The following ANO3 variants were observed in gnomAD, a reference collection of about 807,000 sequenced individuals.
The protein encoded by ANO3 is anoctamin 3.
A neutral mutation model predicts 144.8 loss-of-function variants in ANO3; 99 were observed. The ratio of observed to expected loss-of-function variants is 0.68; its 90% CI spans 0.58 to 0.81. The LOEUF (loss-of-function observed/expected upper bound fraction) is 0.81. Among genes scored for constraint, ANO3 ranks in the 30% least tolerant of loss-of-function variants. The pLI, the probability that ANO3 is intolerant of heterozygous loss-of-function variation, is 0.00. For synonymous variants in ANO3, 414 were observed against 392.6 expected (o/e 1.05, Z -0.64); for missense variants, 905 against 1,202.2 (o/e 0.75, Z 3.66).
chr11:26,349,372 G>T (rs1341001592), intron 1 of ANO3, among the ~76,000 whole-genome samples: 2 of 152,098 alleles, frequency 1.3e-5, no homozygotes, highest in Non-Finnish European at 2.9e-5. Context: ...TGTTTACAGT[G>T]CATAACATCA....
intron 1 of ANO3, among the ~76,000 whole-genome samples, chr11:26,391,298 A>T (rs1856872448): frequency 6.6e-6 from 1 of 152,012 alleles, no homozygotes; most frequent in Non-Finnish European, 1.5e-5. Flanking sequence ...CATGATGATT[A>T]ACCTGTTCCC....
chr11:26,546,357 A>T (rs931533227), intron 11 of ANO3, among the ~76,000 whole-genome samples: 8 of 152,016 alleles, frequency 5.3e-5, no homozygotes, highest in African/African-American at 1.9e-4. Flanking sequence ...TAGAATATGC[A>T]AAAGATTTAA....
chr11:26,333,885 T>C (rs936569694), intron 1 of ANO3, among the ~76,000 whole-genome samples: 1 of 152,176 alleles, frequency 6.6e-6, no homozygotes, highest in African/African-American at 2.4e-5. Context: ...GTTTTAAACA[T>C]ACATAAACTT....
rs994703832 is a variant in ANO3, at chr11:26,412,580, C to T, written c.47-29338C>T. On this transcript the variant is annotated intron_variant, in intron 1 of 26. Coordinates refer to ENST00000256737, the MANE Select transcript of ANO3 (RefSeq NM_031418.4). ...GTATACTCAAATCTACACGATGCTTCAAGTTGTCCCCATGAATGTAAAGCA... is the reference window on the plus strand; with the variant it reads ...GTATACTCAAATCTACACGATGCTTTAAGTTGTCCCCATGAATGTAAAGCA... Among the ~76,000 whole-genome samples the T allele has an allele frequency of 2.0e-5, 3 of 152,100 alleles. No individual in the cohort carries two copies. In the East Asian group the frequency reaches 5.8e-4, roughly 30 times the overall value.
intron 1 of ANO3, among the ~76,000 whole-genome samples, chr11:26,326,367 G>A (rs7940247): frequency 0.039 from 5,938 of 151,912 alleles, 364 homozygotes; most frequent in African/African-American, 0.13. Flanking sequence ...AAACCTTTTC[G>A]CCCCATCTCC....
Position 26,643,170 on chromosome 11 carries a change from C to G in ANO3, c.2276-12C>G. The G allele has an allele frequency of 6.2e-7, 1 of 1,613,246 alleles. No individual in the cohort carries two copies. The highest frequency in any genetic ancestry group is 8.5e-7 in the Non-Finnish European group (1 of 1,179,680). ...GTTTATATAGTAATTTCCTAATGCT[C>G]TTCTTTTGCAGTTTTGCAATTTGGT... is the stretch of plus-strand genomic sequence containing the variant. On this transcript the variant is annotated splice_polypyrimidine_tract_variant and intron_variant, in intron 22 of 26. Transcript: ENST00000256737.
intron 17 of ANO3, among the ~76,000 whole-genome samples, chr11:26,619,852 C>G (rs953973111): frequency 2.6e-5 from 4 of 152,198 alleles, no homozygotes; most frequent in African/African-American, 9.7e-5. Context: ...TTCAAAAATA[C>G]TCTCTAGTAA....
intron 1 of ANO3, among the ~76,000 whole-genome samples, chr11:26,426,712 A>G (rs909139421): frequency 3.3e-5 from 5 of 152,206 alleles, no homozygotes; most frequent in African/African-American, 7.2e-5. Flanking sequence ...GCCACCACAC[A>G]TGTAGTAATA....
At chr11:26,628,691 C>G (rs77053752) in intron 18 of ANO3, among the ~76,000 whole-genome samples, 1,873 of 152,326 alleles carry the variant, frequency 0.012, 45 homozygotes, top group African/African-American at 0.042. Context: ...TTACTCCAAA[C>G]TTAGTAGCTC....
At chr11:26,457,931 T>G (rs769950877) in intron 3 of ANO3, among the ~76,000 whole-genome samples, 1 of 152,156 alleles carries the variant, frequency 6.6e-6, no homozygotes, top group Admixed American at 6.6e-5. Flanking sequence ...CTCTTTGATC[T>G]TTTTAGATTT....
upstream of ANO3, among the ~76,000 whole-genome samples, chr11:26,328,719 C>T (rs1488246747): frequency 1.3e-5 from 2 of 151,644 alleles, no homozygotes; most frequent in East Asian, 3.9e-4. Context: ...TGAAGGGGAA[C>T]GAAACCCTAG....
At chr11:26,311,513 G>A (rs536632636) in intron 1 of ANO3, among the ~76,000 whole-genome samples, 14 of 152,242 alleles carry the variant, frequency 9.2e-5, no homozygotes, top group African/African-American at 2.6e-4. Context: ...GTATTTTTAC[G>A]TTGTCTCCAG....
chr11:26,507,869 G>C (rs1325223443), intron 4 of ANO3, among the ~76,000 whole-genome samples: 1 of 152,148 alleles, frequency 6.6e-6, no homozygotes, highest in Non-Finnish European at 1.5e-5. Context: ...CAGCACCAGA[G>C]AACCCATGTT....
intron 1 of ANO3, among the ~76,000 whole-genome samples, chr11:26,269,968 A>G (rs1265223985): frequency 2.6e-5 from 4 of 152,204 alleles, no homozygotes; most frequent in Admixed American, 2.6e-4. Context: ...CAGAACACAA[A>G]CACACACAGA....
rs1232100970 is a variant in ANO3, at chr11:26,563,056, T to G, written c.1447+3277T>G. ...ACCTTCTAGGCAATGCAGTGAACATTGGCATCCTCATTTAATTAAAACCAC... is the reference window on the plus strand; with the variant it reads ...ACCTTCTAGGCAATGCAGTGAACATGGGCATCCTCATTTAATTAAAACCAC... On this transcript the variant is annotated intron_variant, in intron 14 of 26. Coordinates refer to ENST00000256737, the MANE Select transcript of ANO3 (RefSeq NM_031418.4). 5 of 1,583,166 alleles carry G rather than the reference T, an allele frequency of 3.2e-6. No individual in the cohort carries two copies. The African/African-American group carries it at 4.1e-5, about 13-fold the overall frequency.
chr11:26,644,704 A>C (rs1264919642), intron 23 of ANO3, among the ~76,000 whole-genome samples: 2 of 152,088 alleles, frequency 1.3e-5, no homozygotes, highest in Non-Finnish European at 2.9e-5. Flanking sequence ...TAACCGTGAG[A>C]TTAAGTATAT....
intron 1 of ANO3, among the ~76,000 whole-genome samples, chr11:26,405,669 T>C (rs935660026): frequency 2.0e-5 from 3 of 151,980 alleles, no homozygotes; most frequent in Non-Finnish European, 2.9e-5. Flanking sequence ...AAATTACATA[T>C]GCAACTTTGA....
chr11:26,202,304 T>TATATATATCATATAGATACATATG (rs1491479435), intron 1 of ANO3, among the ~76,000 whole-genome samples: 9 of 144,444 alleles, frequency 6.2e-5, no homozygotes, highest in African/African-American at 2.2e-4. Flanking sequence ...AGATACATAT[T>TATATATATCATATAGATACATATG]ATATATATCA....
intron 1 of ANO3, among the ~76,000 whole-genome samples, chr11:26,366,016 T>G (rs1472917210): frequency 7.5e-6 from 1 of 133,436 alleles, no homozygotes; most frequent in East Asian, 2.1e-4. Flanking sequence ...TAATTATACT[T>G]TAAGTTCTAG....
Sources: gnomAD v4.1 joint callset for allele counts (sites outside exome capture counted in the v4.1 genomes callset) on GRCh38, gnomAD v4.1.1 for gene constraint, MANE v1.5 for transcripts, NCBI Gene and HGNC (gene_info 2026-07-23, HGNC 2026-07-21) for gene names.